Variants in SOX5 observed in about 807,000 individuals in gnomAD.
The protein encoded by SOX5 is SRY-box transcription factor 5, also known as transcription factor SOX-5.
SOX5 carries 9 observed loss-of-function variants against 92.0 expected under a neutral mutation model. The ratio of observed to expected loss-of-function variants is 0.10; its 90% CI spans 0.06 to 0.17. The LOEUF is 0.17. SOX5 is among the 10% of genes least tolerant of loss of function. The pLI is 1.00. For synonymous variants in SOX5, 344 were observed against 336.3 expected (o/e 1.02, Z -0.25); for missense variants, 642 against 944.5 (o/e 0.68, Z 4.20).
chr12:24,302,666 A>G (rs1350930364), intron 2 of SOX5, among the ~76,000 whole-genome samples: 4 of 152,168 alleles, frequency 2.6e-5, no homozygotes, highest in East Asian at 1.9e-4. Context: ...AAAAGTTTTA[A>G]TATGGCTGGA....
chr12:24,186,149 A>C (rs1955993436), intron 4 of SOX5, among the ~76,000 whole-genome samples: 1 of 152,140 alleles, frequency 6.6e-6, no homozygotes, highest in Admixed American at 6.6e-5. Flanking sequence ...CAGAAACAAA[A>C]ATAAAAGGCA....
intron 2 of SOX5, among the ~76,000 whole-genome samples, chr12:24,298,409 G>C (rs1042458259): frequency 6.6e-6 from 1 of 152,110 alleles, no homozygotes; most frequent in Non-Finnish European, 1.5e-5. Flanking sequence ...AATTTTAAAG[G>C]ATCTTACAAA....
chr12:24,104,413 T>G (rs1946437143), intron 4 of SOX5, among the ~76,000 whole-genome samples: 2 of 152,172 alleles, frequency 1.3e-5, no homozygotes, highest in African/African-American at 2.4e-5. Flanking sequence ...TCTGGGAAAC[T>G]AAATACACAC....
At chr12:24,096,106 T>C (rs549878349) in intron 4 of SOX5, among the ~76,000 whole-genome samples, 109 of 152,294 alleles carry the variant, frequency 7.2e-4, no homozygotes, top group African/African-American at 2.5e-3. Flanking sequence ...TCATTCATCA[T>C]GGAAAAAATT....
chr12:23,793,082 C>T (rs539826674), intron 3 of SOX5, among the ~76,000 whole-genome samples: 80 of 152,232 alleles, frequency 5.3e-4, no homozygotes, highest in Admixed American at 2.0e-4. Flanking sequence ...AGACTTTCAC[C>T]TAAGGATTTT....
At chr12:24,011,536 T>C (rs1018167848) in intron 4 of SOX5, among the ~76,000 whole-genome samples, 3 of 152,180 alleles carry the variant, frequency 2.0e-5, no homozygotes, top group African/African-American at 7.2e-5. Context: ...GTTAACAACT[T>C]TTATTTTGTA....
At chr12:23,605,911 A>G (rs1412896964) in intron 8 of SOX5, among the ~76,000 whole-genome samples, 1 of 152,104 alleles carries the variant, frequency 6.6e-6, no homozygotes, top group Non-Finnish European at 1.5e-5. Flanking sequence ...ATATTTTTAT[A>G]TTAATAATTG....
intron 1 of SOX5, among the ~76,000 whole-genome samples, chr12:23,921,440 G>A (rs1289851471): frequency 1.3e-5 from 2 of 151,716 alleles, no homozygotes; most frequent in African/African-American, 4.8e-5. Flanking sequence ...ATATTGCACA[G>A]CAGACAAAAA....
At chr12:23,866,360 T>C (rs1403864536) in intron 2 of SOX5, among the ~76,000 whole-genome samples, 4 of 152,210 alleles carry the variant, frequency 2.6e-5, no homozygotes. Context: ...AAAGTACATA[T>C]AATTTGTTAT....
chr12:23,845,918 A>G, intron 3 of SOX5, 65 bp downstream of exon 3: 1 of 1,302,400 alleles, frequency 7.7e-7, no homozygotes, highest in Non-Finnish European at 1.1e-6. Flanking sequence ...ACAAATCAAG[A>G]AATTAAAATC....
chr12:23,772,885 C>T (rs1256341962), intron 3 of SOX5, among the ~76,000 whole-genome samples: 3 of 152,128 alleles, frequency 2.0e-5, no homozygotes, highest in Non-Finnish European at 4.4e-5. Context: ...ACCAAGTAAT[C>T]GAATCTCAAG....
chr12:23,860,952 TAA>T (rs71059935), intron 2 of SOX5, among the ~76,000 whole-genome samples: 696 of 45,814 alleles, frequency 0.015, 6 homozygotes, highest in African/African-American at 0.054. Context: ...GTATATTTTG[TAA>T]AAAAAAAAAA....
At chr12:23,849,349 T>G (rs927842107) in intron 2 of SOX5, among the ~76,000 whole-genome samples, 13 of 152,220 alleles carry the variant, frequency 8.5e-5, no homozygotes, top group Admixed American at 3.3e-4. Context: ...TATTGAATAC[T>G]TTGTATTAGG....
chr12:24,285,744 C>T (rs1271652598), intron 2 of SOX5, among the ~76,000 whole-genome samples: 1 of 152,156 alleles, frequency 6.6e-6, no homozygotes, highest in African/African-American at 2.4e-5. Flanking sequence ...TAGGAATAAA[C>T]ACACACACAT....
rs1257350006 is a variant in SOX5 at position 23,570,920 on chromosome 12, AAAAAAAAAAAATATATATATATATAT to A, written c.1342+4715_1342+4740del. On this transcript the variant is annotated intron_variant, in intron 10 of 14. Coordinates refer to ENST00000451604, the MANE Select transcript of SOX5 (RefSeq NM_006940.6). ...AGCAAGACTCCAACTCAAAAAAAAA[AAAAAAAAAAAATATATATATATATAT>A]ATATATATATATATATATATATATA... 1.7e-4 allele frequency among the ~76,000 whole-genome samples: 7 copies of A among 41,696 alleles called. 1 individual carries two copies. The highest frequency in any genetic ancestry group is 5.1e-4 in the African/African-American group (6 of 11,772). 27.4% of individuals were successfully genotyped at this position (41,696 alleles called of 152,430 possible). A position where few individuals can be genotyped will look rare whatever the true frequency, so the allele number is the denominator to read the frequency against.
At chr12:23,848,369 T>C (rs1428659965) in intron 2 of SOX5, among the ~76,000 whole-genome samples, 1 of 152,232 alleles carries the variant, frequency 6.6e-6, no homozygotes, top group Non-Finnish European at 1.5e-5. Flanking sequence ...GTTTAGTATA[T>C]TTCACAAGTA....
chr12:23,744,083 C>CT (rs1231958849), intron 4 of SOX5, among the ~76,000 whole-genome samples: 1 of 152,164 alleles, frequency 6.6e-6, no homozygotes, highest in Non-Finnish European at 1.5e-5. Flanking sequence ...TCTCACATGA[C>CT]TTCCTAGACA....
In SOX5 at chr12:23,563,330, C is replaced by T; in HGVS notation, c.1416G>A (p.Arg472=). 3.1e-6 allele frequency: 5 copies of T among 1,614,004 alleles called. No individual in the cohort carries two copies. Among genetic ancestry groups the T allele is most frequent in the Non-Finnish European group, 4.2e-6 (5 of 1,179,914 alleles). ...CCTTCCCATCAAGCACCTGTTGTTC[C>T]CGTCGGAGTTGCTCCTTCATTTGCC... The part of the protein sequence containing the change: ...EARQMKEQLR[R]EQQVLDGKVA... Residue 472 remains arginine (R), a synonymous_variant, in exon 11 of 15, where the codon CGG becomes CGA. Coordinates refer to ENST00000451604, the MANE Select transcript of SOX5 (RefSeq NM_006940.6).
intron 4 of SOX5, among the ~76,000 whole-genome samples, chr12:24,211,309 G>A (rs1338463599): frequency 5.9e-5 from 9 of 152,174 alleles, no homozygotes; most frequent in Non-Finnish European, 1.3e-4. Context: ...TTTCTTCTTA[G>A]TACTTATCCC....
Sources: gnomAD v4.1 joint callset for allele counts (sites outside exome capture counted in the v4.1 genomes callset) on GRCh38, gnomAD v4.1.1 for gene constraint, MANE v1.5 for transcripts, NCBI Gene and HGNC (gene_info 2026-07-23, HGNC 2026-07-21) for gene names.